The following CHD7 variants were observed in gnomAD, a reference collection of about 807,000 sequenced individuals.
CHD7 encodes chromodomain helicase DNA binding protein 7, also known as ATP-dependent chromatin remodeler CHD7.
In CHD7, 24 loss-of-function variants were observed where a neutral mutation model predicts 307.3. The observed-to-expected ratio is 0.08, with a 90% CI of 0.06 to 0.11. The LOEUF is 0.11. Among genes scored for constraint, CHD7 ranks in the 10% least tolerant of loss-of-function variants. CHD7 has a pLI of 1.00. For synonymous variants in CHD7, 1,363 were observed against 1,349.9 expected, an observed-to-expected ratio of 1.01 and a Z score of -0.21; for missense variants, 3,106 against 3,727.1, an observed-to-expected ratio of 0.83 and a Z score of 4.34.
At chr8:60,717,920 A>G (rs1216591133) in intron 1 of CHD7, among the ~76,000 whole-genome samples, 1 of 152,128 alleles carries the variant, frequency 6.6e-6, no homozygotes, top group Non-Finnish European at 1.5e-5. Flanking sequence ...TTGCTATACT[A>G]TACTTTTTAT....
At chr8:60,771,478 C>T (rs1810706987) in intron 2 of CHD7, among the ~76,000 whole-genome samples, 1 of 152,154 alleles carries the variant, frequency 6.6e-6, no homozygotes, top group Non-Finnish European at 1.5e-5. Context: ...TTTCAGATTT[C>T]GGAGCATTTA....
At chr8:60,831,626 T>C (rs1026191970) in intron 15 of CHD7, among the ~76,000 whole-genome samples, 2 of 151,320 alleles carry the variant, frequency 1.3e-5, no homozygotes, top group Admixed American at 6.6e-5. Flanking sequence ...ATAAAAAGGA[T>C]GGGAGGAGGA....
In CHD7 at chr8:60,800,422, G is replaced by A. The variant is rs202208393; in HGVS notation, c.2273G>A (p.Arg758His). The A allele has an allele frequency of 6.9e-5, 112 of 1,613,734 alleles. No individual in the cohort carries two copies. The highest frequency in any genetic ancestry group is 6.9e-5 in the Non-Finnish European group (81 of 1,179,784). Residue 758 changes from arginine (R) to histidine (H), a missense_variant, in exon 5 of 38, where the codon CGC becomes CAC. By Grantham distance (29) the Arg-to-His change is conservative. This residue lies in a region of CHD7 where 998 missense variants were observed against 1,004.5 expected (regional missense o/e 0.99). Transcript: ENST00000423902. Reference protein sequence around the residue: ...RRSSRQVKRKRYTEDLEFKIS... With the variant: ...RRSSRQVKRKHYTEDLEFKIS... ...TCCAGCAGACAGGTGAAGAGAAAGC[G>A]CTACACTGAAGACCTGGAGTTCAAG...
chr8:60,697,504 TG>T (rs1412464512), intron 1 of CHD7, among the ~76,000 whole-genome samples: 2 of 152,156 alleles, frequency 1.3e-5, no homozygotes, highest in African/African-American at 4.8e-5. Flanking sequence ...AAATAATAAA[TG>T]GGTTGTTGGT....
At chr8:60,846,448 A>T (rs1244971377) in intron 23 of CHD7, among the ~76,000 whole-genome samples, 1 of 152,226 alleles carries the variant, frequency 6.6e-6, no homozygotes, top group Non-Finnish European at 1.5e-5. Flanking sequence ...TTAAACTAAC[A>T]TCTGCATATG....
At chr8:60,857,389 A>G (rs1805765071) in intron 34 of CHD7, among the ~76,000 whole-genome samples, 2 of 152,204 alleles carry the variant, frequency 1.3e-5, no homozygotes, top group South Asian at 2.1e-4. Context: ...GTGTGAACCA[A>G]TGGATTTTGA....
Position 60,781,012 on chromosome 8 carries a change from G to A in CHD7, c.1678G>A (p.Glu560Lys), listed in dbSNP as rs759596157. The A allele has an allele frequency of 1.9e-6, 3 of 1,559,118 alleles. No individual in the cohort carries two copies. Among genetic ancestry groups the A allele is most frequent in the African/African-American group, 2.8e-5 (2 of 72,206 alleles). The change falls in exon 3 of 38, where the codon GAG (glutamate) becomes AAG (lysine). Residue 560 changes from glutamate to lysine, a missense_variant. By Grantham distance (56) the Glu-to-Lys change is moderately conservative. Coordinates refer to ENST00000423902, the MANE Select transcript of CHD7 (RefSeq NM_017780.4). ...TTGTGTCTCTCAGCATTCCCCGTCG[G>A]AGCCCTTTCTAGAGAAACCAGTGCC... ...KVPVHQHSPS[E>K]PFLEKPVPDM...
At chr8:60,770,313 A>G (rs1788288849) in intron 2 of CHD7, among the ~76,000 whole-genome samples, 1 of 152,244 alleles carries the variant, frequency 6.6e-6, no homozygotes, top group Non-Finnish European at 1.5e-5. Flanking sequence ...ATGAGCTGAT[A>G]TACATAACCA....
intron 21 of CHD7, 133 bp downstream of exon 21, chr8:60,842,185 A>G (rs909749845): frequency 2.7e-6 from 2 of 740,596 alleles, no homozygotes; most frequent in Non-Finnish European, 2.2e-6. Flanking sequence ...ATGCTTCTGC[A>G]GTAACTTTAC....
At chr8:60,698,075 G>C (rs1349662377) in intron 1 of CHD7, among the ~76,000 whole-genome samples, 2 of 152,218 alleles carry the variant, frequency 1.3e-5, no homozygotes, top group Non-Finnish European at 2.9e-5. Context: ...AAAACTCACA[G>C]TAAAACAAGA....
At position 60,780,995 on chromosome 8, in the gene CHD7, C is replaced by T; in HGVS notation, c.1666-5C>T. 1 of 1,539,448 alleles carries T rather than the reference C, an allele frequency of 6.5e-7. No individual in the cohort carries two copies. Among genetic ancestry groups the T allele is most frequent in the African/African-American group, 1.4e-5 (1 of 71,928 alleles). ...CTAATTTCAATTCCTATTTGTGTCT[C>T]TCAGCATTCCCCGTCGGAGCCCTTT... On this transcript the variant is annotated splice_region_variant and splice_polypyrimidine_tract_variant and intron_variant, in intron 2 of 37. Transcript: ENST00000423902.
chr8:60,715,362 C>T (rs964524080), intron 1 of CHD7, among the ~76,000 whole-genome samples: 3 of 136,744 alleles, frequency 2.2e-5, no homozygotes, highest in Non-Finnish European at 3.0e-5. Context: ...CTTGCTTTGT[C>T]GCCCAGGCTG....
rs794727554 is a variant in CHD7, at chr8:60,853,162, T to C, written c.6437T>C (p.Leu2146Pro). ...GAGNTSSLNP[L>P]AVGFVQTPPV... is the part of the protein sequence containing the mutation. Reference sequence around the variant, plus strand: ...GGTAATACATCTTCCTTGAACCCACTGGCAGTTGGATTTGTCCAGACTCCT... The same window carrying C: ...GGTAATACATCTTCCTTGAACCCACCGGCAGTTGGATTTGTCCAGACTCCT... The change falls in exon 31 of 38, where the codon CTG becomes CCG. Residue 2146 changes from leucine to proline, a missense_variant. Physicochemically the swap from Leu to Pro is moderately conservative, Grantham distance 98 (BLOSUM62 -3). Transcript: ENST00000423902. The C allele has an allele frequency of 3.1e-5, 50 of 1,613,796 alleles. No homozygotes were observed. Among genetic ancestry groups the C allele is most frequent in the Non-Finnish European group, 4.0e-5 (47 of 1,179,858 alleles).
intron 3 of CHD7, among the ~76,000 whole-genome samples, chr8:60,788,592 A>T (rs1811612618): frequency 6.6e-6 from 1 of 152,174 alleles, no homozygotes; most frequent in South Asian, 2.1e-4. Flanking sequence ...TAGGGTAAAG[A>T]ATTTGTGGCT....
At chr8:60,800,850 A>T (rs1586351773) in intron 5 of CHD7, among the ~76,000 whole-genome samples, 1 of 152,196 alleles carries the variant, frequency 6.6e-6, no homozygotes, top group South Asian at 2.1e-4. Flanking sequence ...GGCTTCTGGG[A>T]CTTTAATAAA....
intron 4 of CHD7, among the ~76,000 whole-genome samples, chr8:60,799,401 T>C (rs1320147630): frequency 6.6e-6 from 1 of 152,234 alleles, no homozygotes; most frequent in Non-Finnish European, 1.5e-5. Context: ...CTGCTAATAC[T>C]GGCTATTACC....
At chr8:60,694,152 G>A (rs1430004791) in intron 1 of CHD7, among the ~76,000 whole-genome samples, 3 of 152,266 alleles carry the variant, frequency 2.0e-5, no homozygotes, top group African/African-American at 7.2e-5. Context: ...GGCAATTTCG[G>A]TGTGAGGCTT....
intron 8 of CHD7, 101 bp from the exon 9 acceptor site, chr8:60,819,906 A>T: frequency 1.2e-6 from 1 of 807,550 alleles, no homozygotes; most frequent in Non-Finnish European, 2.0e-6. Context: ...TAAGTTTTAT[A>T]TTGCTGTGAC....
At chr8:60,787,705 T>C (rs576508420) in intron 3 of CHD7, among the ~76,000 whole-genome samples, 2 of 152,314 alleles carry the variant, frequency 1.3e-5, no homozygotes, top group East Asian at 3.9e-4. Context: ...ATAGCCAAAG[T>C]GTTAATGTCT....
Sources: allele counts gnomAD v4.1 joint callset (sites outside exome capture counted in the v4.1 genomes callset), GRCh38; gene constraint gnomAD v4.1.1; regional missense constraint gnomAD v4.1.1; transcripts MANE v1.5; gene names NCBI Gene and HGNC (gene_info 2026-07-23, HGNC 2026-07-21).